The following SKA1 variants were observed in gnomAD, a reference collection of about 807,000 sequenced individuals.
SKA1 encodes the protein SKA complex subunit 1.
Under a neutral mutation model 31.8 loss-of-function variants are expected in SKA1, and 20 were observed. The ratio of observed to expected loss-of-function variants is 0.63; its 90% CI spans 0.44 to 0.91. The LOEUF is 0.91. SKA1 is among the 40% of genes least tolerant of loss of function. The pLI, the probability that SKA1 is intolerant of heterozygous loss-of-function variation, is 0.00. For missense variants in SKA1, 253 were observed against 298.2 expected, an observed-to-expected ratio of 0.85 and a Z score of 1.12; for synonymous variants, 88 against 100.5, an observed-to-expected ratio of 0.88 and a Z score of 0.74.
intron 2 of SKA1, 128 bp from the exon 3 acceptor site, chr18:50,379,998 G>C (rs2041250645): frequency 1.4e-6 from 1 of 690,088 alleles, no homozygotes; most frequent in South Asian, 2.9e-5. Flanking sequence ...TTTTCTAGGG[G>C]CTAAAGCAGT....
intron 4 of SKA1, among the ~76,000 whole-genome samples, chr18:50,384,871 T>TA (rs10608403): frequency 1.5e-3 from 122 of 82,556 alleles, no homozygotes; most frequent in Non-Finnish European, 1.8e-3. Flanking sequence ...AAAAAAAAAT[T>TA]AAAAAAAAAA....
At position 50,392,366 on chromosome 18, in the gene SKA1, T is replaced by TTTTTTTTG. The variant is rs2041365068; in HGVS notation, c.*119_*120insTTTTTTTG. 1 of 612,812 alleles carries TTTTTTTTG rather than the reference T, an allele frequency of 1.6e-6. No individual in the cohort carries two copies. Among genetic ancestry groups the TTTTTTTTG allele is most frequent in the African/African-American group, 1.9e-5 (1 of 52,096 alleles). The allele number at this position is 612,812 out of a possible 1,614,324, so 38.0% of individuals were successfully genotyped here. A position where few individuals can be genotyped will look rare whatever the true frequency, so the allele number is the denominator to read the frequency against. On this transcript the variant is annotated 3_prime_UTR_variant, in exon 7 of 7. Transcript: ENST00000285116. ...TTTTTTGTTTCCTTTTTTTTTTTTT[T>TTTTTTTTG]GAGACAGGATCTTGCTTTGTCACCC...
At chr18:50,383,239 G>C (rs1332846273) in intron 4 of SKA1, among the ~76,000 whole-genome samples, 1 of 152,110 alleles carries the variant, frequency 6.6e-6, no homozygotes, top group African/African-American at 2.4e-5. Flanking sequence ...TCCCTCGTCA[G>C]CCCTGGTTCT....
intron 3 of SKA1, among the ~76,000 whole-genome samples, 183 bp from the exon 4 acceptor site, chr18:50,381,946 C>T (rs560812981): frequency 4.5e-4 from 68 of 152,200 alleles, no homozygotes; most frequent in Non-Finnish European, 7.1e-4. Context: ...GGGATGGTCT[C>T]GATCTCCTGA....
At chr18:50,384,598 G>A (rs984481819) in intron 4 of SKA1, among the ~76,000 whole-genome samples, 3 of 151,644 alleles carry the variant, frequency 2.0e-5, no homozygotes, top group African/African-American at 7.2e-5. Context: ...GATAACTGAT[G>A]TTTCCAGATT....
At chr18:50,391,002 G>A (rs2041352305) in intron 5 of SKA1, 122 bp from the exon 6 acceptor site, 2 of 611,252 alleles carry the variant, frequency 3.3e-6, no homozygotes, top group African/African-American at 1.9e-5. Context: ...ATATAAGATT[G>A]TTTTTATAAA....
chr18:50,384,871 T>TAAAAAAAAAAAAAAAAAAA (rs10608403), intron 4 of SKA1, among the ~76,000 whole-genome samples: 4 of 82,596 alleles, frequency 4.8e-5, no homozygotes, highest in Non-Finnish European at 8.4e-5. Flanking sequence ...AAAAAAAAAT[T>TAAAAAAAAAAAAAAAAAAA]AAAAAAAAAA....
intron 4 of SKA1, among the ~76,000 whole-genome samples, chr18:50,384,850 G>A (rs1355155900): frequency 4.3e-5 from 2 of 46,714 alleles, no homozygotes; most frequent in Admixed American, 6.2e-4. Context: ...AAAACTTAGA[G>A]TATAATAAAA....
rs1437198887 is a variant in SKA1 at position 50,393,284 on chromosome 18, T to G, written c.*1037T>G. ...GAGATCGTGCCACTGCACTCCAGTCTGGGCAACAGAGCGAGACTCCATCTC... is the reference window on the plus strand; with the variant it reads ...GAGATCGTGCCACTGCACTCCAGTCGGGGCAACAGAGCGAGACTCCATCTC... On this transcript the variant is annotated 3_prime_UTR_variant, in exon 7 of 7. Transcript: ENST00000285116. The G allele has an allele frequency of 6.6e-6, 1 of 152,602 alleles. No homozygotes were observed. The highest frequency in any genetic ancestry group is 2.4e-5 in the African/African-American group (1 of 41,426). 9.5% of individuals were successfully genotyped at this position (152,602 alleles called of 1,614,324 possible).
chr18:50,385,342 TG>T lies in SKA1; in HGVS notation c.440del (p.Gly147ValfsTer6). ...CATTTATAACTTGTGATGAGTTCAA[TG>T]GTGTTCCTTCGTAAGTATTTAAGAT... ...MPFITCDEFN[G>X]VPSYMKSRLT... On this transcript the variant is annotated frameshift_variant, in exon 5 of 7. Transcript: ENST00000285116. LOFTEE classifies it high-confidence loss of function. The T allele has an allele frequency of 6.2e-7, 1 of 1,607,592 alleles. No homozygotes were observed. Among genetic ancestry groups the T allele is most frequent in the Non-Finnish European group, 8.5e-7 (1 of 1,177,500 alleles).
chr18:50,385,476 T>G, intron 5 of SKA1, 123 bp downstream of exon 5: 1 of 912,066 alleles, frequency 1.1e-6, no homozygotes. Flanking sequence ...TAAAAAAGTT[T>G]CACATTATAC....
chr18:50,392,361 T>C lies in SKA1; in HGVS notation c.*114T>C. 1.4e-6 allele frequency: 1 copy of C among 723,188 alleles called. No homozygotes were observed. Among genetic ancestry groups the C allele is most frequent in the East Asian group, 3.5e-5 (1 of 28,594 alleles). The allele number at this position is 723,188 out of a possible 1,614,324, so 44.8% of individuals were successfully genotyped here. A position where few individuals can be genotyped will look rare whatever the true frequency, so the allele number is the denominator to read the frequency against. On this transcript the variant is annotated 3_prime_UTR_variant, in exon 7 of 7. Coordinates refer to ENST00000285116, the MANE Select transcript of SKA1 (RefSeq NM_145060.4). ...TAATCTTTTTTGTTTCCTTTTTTTT[T>C]TTTTTGAGACAGGATCTTGCTTTGT...
intron 4 of SKA1, among the ~76,000 whole-genome samples, chr18:50,382,510 T>C (rs1599726266): frequency 2.0e-5 from 3 of 152,182 alleles, no homozygotes; most frequent in Middle Eastern, 6.8e-3. Context: ...CTGACGTTTG[T>C]TCCTTGACAT....
intron 2 of SKA1, among the ~76,000 whole-genome samples, chr18:50,379,449 C>T (rs2041246729): frequency 6.6e-6 from 1 of 152,098 alleles, no homozygotes; most frequent in East Asian, 1.9e-4. Flanking sequence ...AAGAGAGTTT[C>T]ACCTCAACCT....
intron 3 of SKA1, among the ~76,000 whole-genome samples, chr18:50,380,964 TC>T (rs1168724887): frequency 6.6e-6 from 1 of 152,240 alleles, no homozygotes; most frequent in African/African-American, 2.4e-5. Context: ...TAAAGATTGT[TC>T]AGCTATAGGA....
At chr18:50,390,106 A>G (rs1176487310) in intron 5 of SKA1, among the ~76,000 whole-genome samples, 1 of 152,210 alleles carries the variant, frequency 6.6e-6, no homozygotes, top group Non-Finnish European at 1.5e-5. Flanking sequence ...TTGAAGGAAT[A>G]CATAAGTGCA....
intron 4 of SKA1, among the ~76,000 whole-genome samples, chr18:50,384,689 C>CTT: frequency 8.9e-6 from 1 of 112,848 alleles, no homozygotes; most frequent in African/African-American, 4.6e-5. Flanking sequence ...GGGAATATCA[C>CTT]ACTCTGGGGA....
intron 1 of SKA1, 190 bp downstream of exon 1, chr18:50,375,384 T>A (rs1278034459): frequency 6.5e-6 from 1 of 153,078 alleles, no homozygotes; most frequent in Non-Finnish European, 1.5e-5. Context: ...TTTCTCGGCC[T>A]CCTTACCGAT....
chr18:50,381,908 G>A (rs1361004963), intron 3 of SKA1, among the ~76,000 whole-genome samples: 10 of 152,036 alleles, frequency 6.6e-5, no homozygotes, highest in Non-Finnish European at 1.5e-5. Context: ...TGTATTTTTA[G>A]TAGAGATGGG....
Sources: gnomAD v4.1 joint callset for allele counts (sites outside exome capture counted in the v4.1 genomes callset) on GRCh38, gnomAD v4.1.1 for gene constraint, MANE v1.5 for transcripts, NCBI Gene and HGNC (gene_info 2026-07-23, HGNC 2026-07-21) for gene names.